SETBP1: variants seen among roughly 807,000 people sequenced by gnomAD.
The protein encoded by SETBP1 is SET-binding protein.
In SETBP1, 9 loss-of-function variants were observed where a neutral mutation model predicts 101.0. The observed-to-expected ratio is 0.09, with a 90% CI of 0.05 to 0.16. The LOEUF (loss-of-function observed/expected upper bound fraction) is 0.16. Ranked by LOEUF, SETBP1 falls within the 10% of genes least tolerant of loss-of-function variation. The pLI is 1.00. For missense variants in SETBP1, 1,858 were observed against 2,033.8 expected, an observed-to-expected ratio of 0.91 and a Z score of 1.66; for synonymous variants, 818 against 788.5, an observed-to-expected ratio of 1.04 and a Z score of -0.63.
chr18:44,819,165 T>C (rs1211211260), intron 2 of SETBP1, among the ~76,000 whole-genome samples: 1 of 152,168 alleles, frequency 6.6e-6, no homozygotes, highest in East Asian at 1.9e-4. Flanking sequence ...TTGATACATG[T>C]GTCACGCTGT....
At chr18:44,938,846 G>C (rs191199401) in intron 3 of SETBP1, among the ~76,000 whole-genome samples, 1 of 152,184 alleles carries the variant, frequency 6.6e-6, no homozygotes, top group Non-Finnish European at 1.5e-5. Flanking sequence ...TCTGCACAGA[G>C]GGGAGAGTGA....
intron 3 of SETBP1, among the ~76,000 whole-genome samples, chr18:44,878,677 C>G (rs1395035304): frequency 2.6e-5 from 4 of 152,174 alleles, no homozygotes; most frequent in Non-Finnish European, 5.9e-5. Flanking sequence ...AGAGGCCCAT[C>G]TCCACAATAA....
At chr18:44,776,143 A>G (rs941572003) in intron 2 of SETBP1, among the ~76,000 whole-genome samples, 8 of 152,202 alleles carry the variant, frequency 5.3e-5, no homozygotes, top group Non-Finnish European at 8.8e-5. Flanking sequence ...TCATGAAGGT[A>G]CTGTGGACAG....
chr18:45,037,265 T>C (rs1300486640), intron 4 of SETBP1, among the ~76,000 whole-genome samples: 1 of 152,154 alleles, frequency 6.6e-6, no homozygotes, highest in East Asian at 1.9e-4. Flanking sequence ...TACATTTGGA[T>C]GAGTTAGAGA....
At chr18:44,779,930 G>A (rs1212303543) in intron 2 of SETBP1, among the ~76,000 whole-genome samples, 3 of 150,012 alleles carry the variant, frequency 2.0e-5, no homozygotes, top group East Asian at 3.9e-4. Flanking sequence ...ACACACACAC[G>A]CACGCACACA....
intron 2 of SETBP1, among the ~76,000 whole-genome samples, chr18:44,705,361 A>G (rs2069196457): frequency 6.6e-6 from 1 of 152,158 alleles, no homozygotes. Flanking sequence ...ATGACCTTCA[A>G]AGATTCAACT....
At chr18:44,984,219 ATCAGTGGTCCTC>A (rs2072179084) in intron 4 of SETBP1, among the ~76,000 whole-genome samples, 1 of 152,180 alleles carries the variant, frequency 6.6e-6, no homozygotes, top group African/African-American at 2.4e-5. Flanking sequence ...AAAACCATGT[ATCAGTGGTCCTC>A]AACTTTTTTA....
At position 44,885,486 on chromosome 18, in the gene SETBP1, G is replaced by T. The variant is rs181738883; in HGVS notation, c.540+16203G>T. Among the ~76,000 whole-genome samples the T allele has an allele frequency of 6.6e-5, 10 of 152,098 alleles. No homozygotes were observed. In the East Asian group the frequency reaches 1.9e-3, roughly 29 times the overall value. On this transcript the variant is annotated intron_variant, in intron 3 of 5. Transcript: ENST00000649279. ...AATATCTTGGGAAGCACACTGTACC[G>T]CAATCACTAAGGTGTTTCTAATTCA...
intron 2 of SETBP1, among the ~76,000 whole-genome samples, chr18:44,866,056 G>A (rs1314117449): frequency 6.6e-6 from 1 of 152,222 alleles, no homozygotes; most frequent in African/African-American, 2.4e-5. Context: ...GTTTCAACCA[G>A]TGCAAGGGGT....
intron 2 of SETBP1, among the ~76,000 whole-genome samples, chr18:44,769,546 C>T (rs1368414751): frequency 6.6e-6 from 1 of 152,176 alleles, no homozygotes; most frequent in Non-Finnish European, 1.5e-5. Context: ...TGTCTAAATT[C>T]TTTCTTCTTT....
chr18:44,990,411 T>G (rs1462823335), intron 4 of SETBP1, among the ~76,000 whole-genome samples: 1 of 151,954 alleles, frequency 6.6e-6, no homozygotes, highest in Non-Finnish European at 1.5e-5. Context: ...CTGGGCAACA[T>G]AATCAGACCC....
intron 2 of SETBP1, among the ~76,000 whole-genome samples, chr18:44,711,525 CT>C (rs918090108): frequency 5.7e-4 from 72 of 126,214 alleles, no homozygotes; most frequent in East Asian, 1.4e-3. Context: ...TTCTTTGTTG[CT>C]TTTTTTTTTC....
chr18:44,752,344 T>C (rs977932322), intron 2 of SETBP1, among the ~76,000 whole-genome samples: 1 of 152,150 alleles, frequency 6.6e-6, no homozygotes, highest in Non-Finnish European at 1.5e-5. Context: ...ACAGAGAACC[T>C]AGATAGCTGT....
At chr18:45,002,448 A>G (rs1270319526) in intron 4 of SETBP1, among the ~76,000 whole-genome samples, 1 of 152,110 alleles carries the variant, frequency 6.6e-6, no homozygotes, top group Non-Finnish European at 1.5e-5. Context: ...TTGCCTCAAT[A>G]CTGTTCGTCC....
At chr18:44,964,966 T>C (rs190532753) in intron 4 of SETBP1, among the ~76,000 whole-genome samples, 95 of 152,266 alleles carry the variant, frequency 6.2e-4, no homozygotes, top group African/African-American at 2.2e-3. Context: ...GCAGGAGGAA[T>C]TGGGCGTGAA....
intron 3 of SETBP1, chr18:44,876,833 T>G (rs1338457462): frequency 2.8e-6 from 4 of 1,429,964 alleles, no homozygotes; most frequent in Non-Finnish European, 3.7e-6. Context: ...TGCCCAAGAT[T>G]GTAAACTAGT....
chr18:44,998,225 A>C (rs2072540157), intron 4 of SETBP1, among the ~76,000 whole-genome samples: 1 of 152,242 alleles, frequency 6.6e-6, no homozygotes, highest in South Asian at 2.1e-4. Flanking sequence ...TCCAGGGCCA[A>C]GCTAACCCTT....
intron 2 of SETBP1, among the ~76,000 whole-genome samples, chr18:44,846,326 T>G (rs1446429536): frequency 6.6e-6 from 1 of 152,226 alleles, no homozygotes; most frequent in Non-Finnish European, 1.5e-5. Context: ...ATTCAGTGGT[T>G]TTTGGTGTAT....
At chr18:44,870,649 C>T (rs531120810) in intron 3 of SETBP1, 1 of 152,080 alleles carries the variant, frequency 6.6e-6, no homozygotes, top group Non-Finnish European at 1.5e-5. Context: ...CAACATTTAC[C>T]GCCTACCCCA....
Sources: gnomAD v4.1 joint callset for allele counts (sites outside exome capture counted in the v4.1 genomes callset) on GRCh38, gnomAD v4.1.1 for gene constraint, MANE v1.5 for transcripts, NCBI Gene and HGNC (gene_info 2026-07-23, HGNC 2026-07-21) for gene names.